HDAC4: variants seen among roughly 807,000 people sequenced by gnomAD.
HDAC4 encodes the protein histone deacetylase A.
HDAC4 carries 16 observed loss-of-function variants against 135.1 expected under a neutral mutation model. The observed-to-expected ratio is 0.12, with a 90% CI of 0.08 to 0.18. The LOEUF (loss-of-function observed/expected upper bound fraction) is 0.18, where lower values mean the gene tolerates loss of function less well. HDAC4 is among the 10% of genes least tolerant of loss of function. The probability of loss-of-function intolerance (pLI) is 1.00; values close to 1 mark genes in which losing one functional copy is unlikely to be tolerated. For missense variants in HDAC4, 1,143 were observed against 1,511.8 expected (o/e 0.76, Z 4.05); for synonymous variants, 685 against 653.4 (o/e 1.05, Z -0.74).
At position 239,299,059 on chromosome 2, in the gene HDAC4, G is replaced by A. The variant is rs566305392; in HGVS notation, c.22+53619C>T. Among the ~76,000 whole-genome samples the A allele has an allele frequency of 3.9e-5, 6 of 151,964 alleles. No individual in the cohort carries two copies. The highest frequency in any genetic ancestry group is 3.9e-4 in the East Asian group (2 of 5,146). On this transcript the variant is annotated intron_variant, in intron 2 of 26. Transcript: ENST00000543185. The surrounding 1 kb of genome is among the most constrained non-coding windows in gnomAD (Gnocchi z 4.0). ...AATTTTTTGTATTTTTAGTAGAGAC[G>A]GGGTTTCATGTTAGCCAGGATGGTC... is the stretch of plus-strand genomic sequence containing the variant.
intron 12 of HDAC4, among the ~76,000 whole-genome samples, chr2:239,124,808 C>T (rs368193751): frequency 8.7e-4 from 30 of 34,320 alleles, no homozygotes; most frequent in Non-Finnish European, 1.2e-3. Context: ...TGACATTCCA[C>T]GTTATGTGAC....
chr2:239,133,809 G>A (rs2040759839), intron 11 of HDAC4, among the ~76,000 whole-genome samples: 1 of 152,160 alleles, frequency 6.6e-6, no homozygotes, highest in Non-Finnish European at 1.5e-5. Flanking sequence ...CATTGCTGTT[G>A]CTATGTAATT....
chr2:239,101,409 T>C (rs1438181012), intron 16 of HDAC4, among the ~76,000 whole-genome samples: 1 of 152,014 alleles, frequency 6.6e-6, no homozygotes, highest in Non-Finnish European at 1.5e-5. Context: ...GGACTAGGAG[T>C]GCAGGTCTCT....
At chr2:239,366,107 G>T (rs1240095425) in intron 1 of HDAC4, among the ~76,000 whole-genome samples, 2 of 142,978 alleles carry the variant, frequency 1.4e-5, no homozygotes, top group East Asian at 2.2e-4. Flanking sequence ...GGTCGTCAGG[G>T]TCACGCGTGT....
At position 239,163,827 on chromosome 2, in the gene HDAC4, G is replaced by A; in HGVS notation, c.587C>T (p.Ser196Phe). 1 of 1,614,154 alleles carries A rather than the reference G, an allele frequency of 6.2e-7. No homozygotes were observed. Among genetic ancestry groups the A allele is most frequent in the Non-Finnish European group, 8.5e-7 (1 of 1,180,026 alleles). The change falls in exon 6 of 27, where the codon TCC becomes TTC. Residue 196 changes from serine (S) to phenylalanine (F), a missense_variant. Physicochemically the swap from Ser to Phe is radical, Grantham distance 155. Transcript: ENST00000543185. ...LAHRNLNHCI[S>F]SDPRYWYGKT... ...CCCGTACCAGTAGCGAGGGTCGCTG[G>A]AAATGCAGTGGTTCAGATTCCGGTG...
At chr2:239,393,277 G>A (rs749482840) in intron 1 of HDAC4, among the ~76,000 whole-genome samples, 8 of 152,220 alleles carry the variant, frequency 5.3e-5, no homozygotes, top group Non-Finnish European at 1.0e-4. Context: ...ATCTGAATGG[G>A]CCTGCCTCCA....
intron 2 of HDAC4, among the ~76,000 whole-genome samples, chr2:239,315,433 A>G (rs559158951): frequency 4.6e-5 from 7 of 152,354 alleles, no homozygotes; most frequent in African/African-American, 1.7e-4. Context: ...AGATGATGGG[A>G]GAGCAACGGG....
rs185215309 is a variant in HDAC4, at chr2:239,240,472, A to G, written c.23-3808T>C. ...CTGAAATTTCTCAGGCTGAGGAGAA[A>G]GCGGTGCTAAGAACCCAGCGTTTAC... On this transcript the variant is annotated intron_variant, in intron 2 of 26. Coordinates refer to ENST00000543185, the MANE Select transcript of HDAC4 (RefSeq NM_001378414.1). This position sits in a 1 kb window ranked among gnomAD's most constrained non-coding sequence, Gnocchi z 4.5. Among the ~76,000 whole-genome samples, 1 of 152,364 alleles carries G rather than the reference A, an allele frequency of 6.6e-6. No homozygotes were observed. The highest frequency in any genetic ancestry group is 1.9e-4 in the East Asian group (1 of 5,188).
intron 4 of HDAC4, among the ~76,000 whole-genome samples, chr2:239,185,555 C>A (rs546603861): frequency 7.9e-5 from 12 of 152,132 alleles, no homozygotes; most frequent in Non-Finnish European, 1.0e-4. Context: ...GGGAGAGATG[C>A]ACCCTGAGGT....
At chr2:239,395,035 T>A (rs1696468629) in intron 1 of HDAC4, among the ~76,000 whole-genome samples, 1 of 152,008 alleles carries the variant, frequency 6.6e-6, no homozygotes, top group African/African-American at 2.4e-5. Flanking sequence ...GATCAAAGGA[T>A]GAGAGGATGA....
intron 2 of HDAC4, among the ~76,000 whole-genome samples, chr2:239,344,307 A>G (rs1227754079): frequency 6.6e-6 from 1 of 152,210 alleles, no homozygotes; most frequent in Non-Finnish European, 1.5e-5. Flanking sequence ...TTAAATTTCA[A>G]TATCATTAAT....
At chr2:239,236,356 G>C (rs1188738038) in intron 3 of HDAC4, among the ~76,000 whole-genome samples, 2 of 151,634 alleles carry the variant, frequency 1.3e-5, no homozygotes, top group African/African-American at 4.9e-5. Context: ...TAGCACCAGA[G>C]AGAAAAAAAA....
intron 8 of HDAC4, among the ~76,000 whole-genome samples, chr2:239,142,054 G>A (rs898359914): frequency 2.6e-5 from 4 of 152,076 alleles, no homozygotes; most frequent in Non-Finnish European, 4.4e-5. Flanking sequence ...CATGGGCTGC[G>A]GGAAGGCGTG....
At chr2:239,390,437 G>A (rs564780159) in intron 1 of HDAC4, among the ~76,000 whole-genome samples, 2 of 152,194 alleles carry the variant, frequency 1.3e-5, no homozygotes, top group Non-Finnish European at 2.9e-5. Context: ...AGGCAGCTGA[G>A]GCAAGAGAAC....
intron 2 of HDAC4, among the ~76,000 whole-genome samples, chr2:239,338,239 C>T (rs1692075589): frequency 6.6e-6 from 1 of 152,220 alleles, no homozygotes. Context: ...TCTCTCGCGA[C>T]TCAAAGCCAG....
At chr2:239,084,779 C>A (rs894372424) in intron 19 of HDAC4, among the ~76,000 whole-genome samples, 1 of 148,216 alleles carries the variant, frequency 6.7e-6, no homozygotes, top group African/African-American at 2.5e-5. Context: ...ACACACTCCA[C>A]ACAGACACAC....
chr2:239,224,328 T>G (rs1411440667), intron 3 of HDAC4, among the ~76,000 whole-genome samples: 1 of 152,202 alleles, frequency 6.6e-6, no homozygotes, highest in African/African-American at 2.4e-5. Context: ...TCCCTGCTCC[T>G]CCGATGCCTG....
rs747240051 is a variant in HDAC4 at position 239,190,029 on chromosome 2, G to A, written c.143C>T (p.Pro48Leu). The A allele has an allele frequency of 6.2e-6, 10 of 1,604,500 alleles. No homozygotes were observed. The Admixed American group carries it at 1.5e-4, about 24-fold the overall frequency. ...LPLQVAPSAV[P>L]MDLRLDHQFS... ...CTGGTGGTCCAGGCGCAGGTCCATGGGCACTGCCGAGGGGGCCACTTGCAG... is the reference window on the plus strand; with the variant it reads ...CTGGTGGTCCAGGCGCAGGTCCATGAGCACTGCCGAGGGGGCCACTTGCAG... The change falls in exon 4 of 27, where the codon CCC becomes CTC. Residue 48 changes from proline (P) to leucine (L), a missense_variant. By Grantham distance (98) the Pro-to-Leu change is moderately conservative. Transcript: ENST00000543185.
chr2:239,077,190 C>G (rs565144696), intron 22 of HDAC4, among the ~76,000 whole-genome samples: 1 of 152,370 alleles, frequency 6.6e-6, no homozygotes, highest in South Asian at 2.1e-4. Context: ...GTCAGAGGCC[C>G]CGATAGAGCC....
Sources: allele counts gnomAD v4.1 joint callset (sites outside exome capture counted in the v4.1 genomes callset), GRCh38; gene constraint gnomAD v4.1.1; non-coding constraint Gnocchi (gnomAD v3.1); transcripts MANE v1.5; gene names NCBI Gene and HGNC (gene_info 2026-07-23, HGNC 2026-07-21).